Variants in AGBL2 observed in about 807,000 individuals in gnomAD.
AGBL2 encodes AGBL carboxypeptidase 2.
AGBL2 carries 87 observed loss-of-function variants against 103.0 expected under a neutral mutation model. The ratio of observed to expected loss-of-function variants is 0.84; its 90% CI spans 0.71 to 1.01. The LOEUF is 1.01. Among genes scored for constraint, AGBL2 ranks in the 50% least tolerant of loss-of-function variants. The pLI is 0.00. For missense variants in AGBL2, 904 were observed against 1,023.5 expected, an observed-to-expected ratio of 0.88 and a Z score of 1.59; for synonymous variants, 335 against 356.7, an observed-to-expected ratio of 0.94 and a Z score of 0.69.
intron 13 of AGBL2, among the ~76,000 whole-genome samples, chr11:47,679,034 G>A (rs747457099): frequency 8.4e-6 from 1 of 119,726 alleles, no homozygotes; most frequent in Non-Finnish European, 1.6e-5. Flanking sequence ...ACTCCAGCCT[G>A]GGCGACAGAT....
At chr11:47,710,199 T>G (rs1599113840) in intron 4 of AGBL2, 178 bp downstream of exon 4, 4 of 729,122 alleles carry the variant, frequency 5.5e-6, no homozygotes, top group East Asian at 2.7e-5. Flanking sequence ...GAAAATACAG[T>G]ATTTTGATTT....
At chr11:47,692,022 G>C (rs1289320735) in intron 9 of AGBL2, 81 bp downstream of exon 9, 18 of 1,300,080 alleles carry the variant, frequency 1.4e-5, no homozygotes, top group Non-Finnish European at 1.9e-5. Context: ...TTTTTTGCAA[G>C]TACTTCTGAT....
At chr11:47,662,555 C>A (rs1040843937) in intron 18 of AGBL2, among the ~76,000 whole-genome samples, 6 of 151,200 alleles carry the variant, frequency 4.0e-5, no homozygotes, top group Non-Finnish European at 7.4e-5. Flanking sequence ...TGCAATGGCA[C>A]GATCTCAGCT....
At position 47,699,370 on chromosome 11, in the gene AGBL2, C is replaced by T. The variant is rs192229846; in HGVS notation, c.694+76G>A. 42 of 860,654 alleles carry T rather than the reference C, an allele frequency of 4.9e-5. No homozygotes were observed. The Admixed American group carries it at 6.5e-4, about 13-fold the overall frequency. 53.3% of individuals were successfully genotyped at this position (860,654 alleles called of 1,614,324 possible). On this transcript the variant is annotated intron_variant, in intron 8 of 18. Transcript: ENST00000525123. ...CCACTAAACTATGGATTTTTAAAAT[C>T]ACTTTTATTATGGAACATATGTTTA...
At chr11:47,670,107 C>T (rs1355246491) in intron 14 of AGBL2, among the ~76,000 whole-genome samples, 2 of 152,194 alleles carry the variant, frequency 1.3e-5, no homozygotes, top group Non-Finnish European at 2.9e-5. Flanking sequence ...TGAGAGGCTA[C>T]AGGATTCTCA....
chr11:47,695,705 G>A (rs2097466704), intron 8 of AGBL2, among the ~76,000 whole-genome samples: 1 of 151,264 alleles, frequency 6.6e-6, no homozygotes, highest in Non-Finnish European at 1.5e-5. Flanking sequence ...AGCCTATAAG[G>A]TGGAGGATAC....
intron 17 of AGBL2, 25 bp downstream of exon 17, chr11:47,666,931 A>G (rs750378490): frequency 1.4e-4 from 198 of 1,430,868 alleles, no homozygotes; most frequent in Non-Finnish European, 1.5e-4. Context: ...TCTGTGTGAC[A>G]AAGAGTCAAA....
At chr11:47,703,230 A>G (rs1045555944) in intron 7 of AGBL2, among the ~76,000 whole-genome samples, 5 of 152,158 alleles carry the variant, frequency 3.3e-5, no homozygotes, top group African/African-American at 4.8e-5. Flanking sequence ...AACCAAACAC[A>G]TTAATACTGA....
rs1270036740 is a variant in AGBL2 at position 47,690,462 on chromosome 11, G to T, written c.1245C>A (p.Ile415=). ...CYLLSVANNP[I]QSQFCKLQTL... ...TTTGGAGCTTGCAGAACTGAGACTGGATAGGGTTGTTTGCCACTGACAGGA... is the reference window on the plus strand; with the variant it reads ...TTTGGAGCTTGCAGAACTGAGACTGTATAGGGTTGTTTGCCACTGACAGGA... Residue 415 remains isoleucine, a synonymous_variant, in exon 10 of 19, where the codon ATC becomes ATA. Coordinates refer to ENST00000525123, the MANE Select transcript of AGBL2 (RefSeq NM_024783.4). The T allele has an allele frequency of 4.3e-6, 7 of 1,614,146 alleles. No individual in the cohort carries two copies. Among genetic ancestry groups the T allele is most frequent in the Non-Finnish European group, 5.1e-6 (6 of 1,180,026 alleles).
chr11:47,690,263 T>G lies in AGBL2; in HGVS notation c.1444A>C (p.Asn482His). ...CTGAGGAGCTGGGCATCTGGGGAGTTGCTAAGGATGAAGTCCAAAAAGCCT... is the reference window on the plus strand; with the variant it reads ...CTGAGGAGCTGGGCATCTGGGGAGTGGCTAAGGATGAAGTCCAAAAAGCCT... Reference protein sequence around the residue: ...MKGFLDFILSNSPDAQLLRDI... With the variant: ...MKGFLDFILSHSPDAQLLRDI... Residue 482 changes from asparagine (N) to histidine (H), a missense_variant, in exon 10 of 19, where the codon AAC becomes CAC. By Grantham distance (68) the Asn-to-His change is moderately conservative. Transcript: ENST00000525123. The G allele has an allele frequency of 6.2e-7, 1 of 1,613,998 alleles. No individual in the cohort carries two copies. The highest frequency in any genetic ancestry group is 8.5e-7 in the Non-Finnish European group (1 of 1,180,010).
chr11:47,675,632 G>A (rs548154103), intron 14 of AGBL2, among the ~76,000 whole-genome samples: 3 of 151,904 alleles, frequency 2.0e-5, no homozygotes, highest in African/African-American at 4.8e-5. Flanking sequence ...CAAGTGATCC[G>A]CCTGCCTTGG....
intron 14 of AGBL2, among the ~76,000 whole-genome samples, chr11:47,676,590 C>A (rs1481999902): frequency 6.6e-6 from 1 of 152,106 alleles, no homozygotes; most frequent in Non-Finnish European, 1.5e-5. Flanking sequence ...GAGGCCCAGG[C>A]GGGTGGATCA....
intron 1 of AGBL2, 183 bp downstream of exon 1, chr11:47,714,991 AG>A (rs1487111613): frequency 6.4e-6 from 2 of 313,258 alleles, no homozygotes; most frequent in African/African-American, 4.4e-5. Context: ...GCCACAGGAA[AG>A]TGAAAGAAAT....
rs2097442234 is a variant in AGBL2 at position 47,690,791 on chromosome 11, A to G, written c.916T>C (p.Tyr306His). 1 of 1,614,052 alleles carries G rather than the reference A, an allele frequency of 6.2e-7. No individual in the cohort carries two copies. The highest frequency in any genetic ancestry group is 1.3e-5 in the African/African-American group (1 of 75,024). ...LYTNKHTQWF[Y>H]FRVQNTRKDA... ...TTTCTGGTGTTCTGAACACGAAAAT[A>G]AAACCACTGAGTGTGTTTGTTAGTG... Residue 306 changes from tyrosine (Y) to histidine (H), a missense_variant, in exon 10 of 19, where the codon TAT (tyrosine) becomes CAT (histidine). Transcript: ENST00000525123.
chr11:47,710,940 G>A (rs990512250), intron 3 of AGBL2: 1 of 415,604 alleles, frequency 2.4e-6, no homozygotes, highest in African/African-American at 2.1e-5. Context: ...AAAAAATTAT[G>A]GCCCAAAGGT....
At chr11:47,694,714 G>A (rs768441217) in intron 8 of AGBL2, among the ~76,000 whole-genome samples, 4 of 152,104 alleles carry the variant, frequency 2.6e-5, no homozygotes, top group Non-Finnish European at 5.9e-5. Flanking sequence ...AAAGAGTCAC[G>A]ACCAGTTTGA....
intron 4 of AGBL2, among the ~76,000 whole-genome samples, chr11:47,709,589 CTTTT>C (rs779043314): frequency 6.9e-6 from 1 of 144,058 alleles, no homozygotes; most frequent in Non-Finnish European, 1.5e-5. Context: ...CAATGTATTA[CTTTT>C]TTTTTTTTTT....
At chr11:47,686,580 G>A (rs2097424737) in intron 10 of AGBL2, among the ~76,000 whole-genome samples, 1 of 151,950 alleles carries the variant, frequency 6.6e-6, no homozygotes, top group East Asian at 1.9e-4. Context: ...GGATAGTGGG[G>A]GTGGATCCCT....
chr11:47,697,283 G>GC (rs1451178383), intron 8 of AGBL2, among the ~76,000 whole-genome samples: 1 of 151,896 alleles, frequency 6.6e-6, no homozygotes, highest in Non-Finnish European at 1.5e-5. Flanking sequence ...TGTCGCCCAG[G>GC]CTGGAGTGCA....
Sources: allele counts gnomAD v4.1 joint callset (sites outside exome capture counted in the v4.1 genomes callset), GRCh38; gene constraint gnomAD v4.1.1; transcripts MANE v1.5; gene names NCBI Gene and HGNC (gene_info 2026-07-23, HGNC 2026-07-21).